LRRC56: variants seen among roughly 807,000 people sequenced by gnomAD.
LRRC56 encodes the protein leucine rich repeat containing 56, also known as leucine-rich repeat-containing protein 56.
In LRRC56, 41 loss-of-function variants were observed where a neutral mutation model predicts 47.8. The observed-to-expected ratio is 0.86, with a 90% CI of 0.67 to 1.11. LRRC56 has a LOEUF of 1.11. Among genes scored for constraint, LRRC56 ranks in the 50% most tolerant of loss-of-function variants. LRRC56 has a pLI of 0.00. For missense variants in LRRC56, 759 were observed against 704.2 expected, an observed-to-expected ratio of 1.08 and a Z score of -0.88; for synonymous variants, 387 against 311.2, an observed-to-expected ratio of 1.24 and a Z score of -2.56.
the LRRC56 span, among the ~76,000 whole-genome samples, chr11:531,687 C>T: frequency 7.2e-5 from 11 of 152,222 alleles, no homozygotes; most frequent in Admixed American, 1.3e-4. Flanking sequence ...CAGGCTCCCA[C>T]GCCCTACTGG....
rs764278545 is a variant in LRRC56, at chr11:552,209, G to A, written c.1158G>A (p.Arg386=). The change falls in exon 12 of 14, where the codon AGG becomes AGA. Residue 386 remains arginine, a synonymous_variant. Coordinates refer to ENST00000270115, the MANE Select transcript of LRRC56 (RefSeq NM_198075.4). ...ACTTCCTGGCCTTGGCTGGGCTCAG[G>A]GCCTGGAGGGAACATGGCGTGCGGT... ...SSDFLALAGL[R]AWREHGVRPL... 1.2e-6 allele frequency: 2 copies of A among 1,611,994 alleles called. No individual in the cohort carries two copies. Among genetic ancestry groups the A allele is most frequent in the South Asian group, 1.1e-5 (1 of 91,050 alleles).
Position 550,259 on chromosome 11 carries a change from G to A in LRRC56, c.611G>A (p.Gly204Asp). ...CTGGTGTGCCTACAGCCGGCCCCTG[G>A]CCCCACCAACAAGGTGCGTGTCCCG... ...GNLVCLQPAP[G>D]PTNKVPRGYN... Residue 204 changes from glycine to aspartate, a missense_variant, in exon 8 of 14, where the codon GGC (glycine) becomes GAC (aspartate). Physicochemically the swap from Gly to Asp is moderately conservative, Grantham distance 94 (BLOSUM62 -1). Coordinates refer to ENST00000270115, the MANE Select transcript of LRRC56 (RefSeq NM_198075.4). 4 of 1,596,668 alleles carry A rather than the reference G, an allele frequency of 2.5e-6. No individual in the cohort carries two copies. Among genetic ancestry groups the A allele is most frequent in the African/African-American group, 1.3e-5 (1 of 74,804 alleles).
chr11:539,289 G>A (rs924063163), intron 2 of LRRC56, among the ~76,000 whole-genome samples: 9 of 151,318 alleles, frequency 5.9e-5, no homozygotes, highest in African/African-American at 1.7e-4. Context: ...GTTTCACCTC[G>A]TTAGCCAGGA....
At chr11:530,364 C>T in the LRRC56 span, among the ~76,000 whole-genome samples, 3 of 152,174 alleles carry the variant, frequency 2.0e-5, no homozygotes, top group African/African-American at 7.2e-5. Flanking sequence ...CTCCTGGCCT[C>T]GGGAAGTCTA....
rs1386235487 is a variant in LRRC56, at chr11:554,426, G to C, written c.*150G>C. On this transcript the variant is annotated 3_prime_UTR_variant, in exon 14 of 14. Transcript: ENST00000270115. ...ACCCTCTTGGTGGAGGGGAGTGGGG[G>C]ACTGGGACCAGCCAGGGAGGCAGCA... 2 of 646,744 alleles carry C rather than the reference G, an allele frequency of 3.1e-6. No homozygotes were observed. Among genetic ancestry groups the C allele is most frequent in the Non-Finnish European group, 4.6e-6 (2 of 431,856 alleles). 40.1% of individuals were successfully genotyped at this position (646,744 alleles called of 1,614,324 possible).
chr11:524,786 T>G, the LRRC56 span, among the ~76,000 whole-genome samples: 4 of 151,930 alleles, frequency 2.6e-5, no homozygotes, highest in African/African-American at 9.7e-5. Flanking sequence ...GAGACAATCT[T>G]GTATAAGTAT....
chr11:529,959 C>T, the LRRC56 span, among the ~76,000 whole-genome samples: 1 of 152,166 alleles, frequency 6.6e-6, no homozygotes, highest in Non-Finnish European at 1.5e-5. Flanking sequence ...CCGTGGAGCC[C>T]AGGGCAGTGG....
chr11:524,602 G>A, the LRRC56 span, among the ~76,000 whole-genome samples: 1 of 151,932 alleles, frequency 6.6e-6, no homozygotes, highest in African/African-American at 2.4e-5. Flanking sequence ...TTGCACTCCA[G>A]CCTGGGCAAA....
chr11:548,841 C>G (rs574290100), intron 6 of LRRC56, among the ~76,000 whole-genome samples: 1 of 152,314 alleles, frequency 6.6e-6, no homozygotes, highest in African/African-American at 2.4e-5. Context: ...GCTTTGCAGC[C>G]TCCTGGGAAG....
rs1851809865 is a variant in LRRC56 at position 541,816 on chromosome 11, C to T, written c.265+192C>T. Among the ~76,000 whole-genome samples, 1 of 150,698 alleles carries T rather than the reference C, an allele frequency of 6.6e-6. No individual in the cohort carries two copies. The highest frequency in any genetic ancestry group is 6.6e-5 in the Admixed American group (1 of 15,070). On this transcript the variant is annotated intron_variant, in intron 5 of 13. Transcript: ENST00000270115. The surrounding 1 kb of genome is among the most constrained non-coding windows in gnomAD (Gnocchi z 4.1). Reference sequence around the variant, plus strand: ...GGCAATGCACTCAGCACCCCGCACACCACACCAGTACCCCCAGCACGCTCA... The same window carrying T: ...GGCAATGCACTCAGCACCCCGCACATCACACCAGTACCCCCAGCACGCTCA...
At chr11:534,091 A>C (rs1045090499), upstream of LRRC56, 32 of 1,150,458 alleles carry the variant, frequency 2.8e-5, no homozygotes, top group Non-Finnish European at 4.0e-5. Flanking sequence ...CTCTAGAGGA[A>C]GCAGGAGACA....
the LRRC56 span, among the ~76,000 whole-genome samples, chr11:531,688 G>A: frequency 6.3e-3 from 961 of 152,304 alleles, 3 homozygotes; most frequent in Non-Finnish European, 0.011. Context: ...AGGCTCCCAC[G>A]CCCTACTGGC....
the LRRC56 span, among the ~76,000 whole-genome samples, chr11:530,382 G>A: frequency 1.1e-4 from 16 of 152,240 alleles, no homozygotes; most frequent in Non-Finnish European, 1.3e-4. Flanking sequence ...CTATCGATGG[G>A]GAAGCTGGTC....
At chr11:518,211 C>G in the LRRC56 span, among the ~76,000 whole-genome samples, 49 of 151,180 alleles carry the variant, frequency 3.2e-4, no homozygotes, top group East Asian at 9.1e-3. Flanking sequence ...GAGATGGAGT[C>G]TCGCTCTGTC....
At chr11:544,926 C>T in intron 6 of LRRC56, 146 bp downstream of exon 6, 2 of 812,530 alleles carry the variant, frequency 2.5e-6, no homozygotes, top group Non-Finnish European at 4.0e-6. Context: ...CTCCATCCTG[C>T]TGGCTGCCTG....
At chr11:542,781 T>C (rs1213368298) in intron 5 of LRRC56, among the ~76,000 whole-genome samples, 5 of 152,066 alleles carry the variant, frequency 3.3e-5, no homozygotes, top group Admixed American at 2.0e-4. Flanking sequence ...GTGTATTTCC[T>C]GAGAGGGAGG....
At chr11:534,725 A>G, upstream of LRRC56, 1 of 265,866 alleles carries the variant, frequency 3.8e-6, no homozygotes, top group East Asian at 8.2e-5. Flanking sequence ...CCTCCAGAAC[A>G]GGTCTGGCCA....
At chr11:520,364 A>G in the LRRC56 span, among the ~76,000 whole-genome samples, 7 of 152,032 alleles carry the variant, frequency 4.6e-5, no homozygotes, top group Admixed American at 2.6e-4. Context: ...TCTGTCGCCC[A>G]GGCTGGAGTG....
chr11:551,994 A>C (rs1339599155), intron 11 of LRRC56, 27 bp downstream of exon 11: 15 of 1,611,892 alleles, frequency 9.3e-6, no homozygotes, highest in Non-Finnish European at 1.3e-5. Flanking sequence ...CCAGCCCCCC[A>C]CGAGAACCAG....
Sources: allele counts gnomAD v4.1 joint callset (sites outside exome capture counted in the v4.1 genomes callset), GRCh38; gene constraint gnomAD v4.1.1; non-coding constraint Gnocchi (gnomAD v3.1); transcripts MANE v1.5; gene names NCBI Gene and HGNC (gene_info 2026-07-23, HGNC 2026-07-21).